The following RNF166 variants were observed in gnomAD, a reference collection of about 807,000 sequenced individuals.
The protein encoded by RNF166 is E3 ubiquitin-protein ligase RNF166.
In RNF166, 19 loss-of-function variants were observed where a neutral mutation model predicts 29.4. The ratio of observed to expected loss-of-function variants is 0.65; its 90% CI spans 0.45 to 0.95. The LOEUF (loss-of-function observed/expected upper bound fraction) is 0.95. Ranked by LOEUF, RNF166 falls within the 40% of genes least tolerant of loss-of-function variation. The pLI is 0.00. For synonymous variants in RNF166, 171 were observed against 134.5 expected (o/e 1.27, Z -1.88); for missense variants, 347 against 322.1 (o/e 1.08, Z -0.59).
intron 5 of RNF166, 53 bp downstream of exon 5, chr16:88,698,449 A>G (rs1279383591): frequency 7.2e-7 from 1 of 1,379,584 alleles, no homozygotes; most frequent in South Asian, 1.2e-5. Flanking sequence ...CCCGAGCAGG[A>G]GGAGGGTGGA....
At chr16:88,703,493 C>A (rs765094331) in intron 1 of RNF166, 413 of 985,330 alleles carry the variant, frequency 4.2e-4, no homozygotes, top group Non-Finnish European at 4.8e-4. Context: ...GAACCCAGCC[C>A]GACTGGCAGG....
chr16:88,704,271 G>A (rs1017819108), intron 1 of RNF166: 5 of 985,352 alleles, frequency 5.1e-6, no homozygotes, highest in Non-Finnish European at 6.0e-6. Context: ...GTTAGAAGCA[G>A]AGAGAGAACA....
chr16:88,701,081 G>C, intron 2 of RNF166, 181 bp downstream of exon 2: 1 of 1,301,374 alleles, frequency 7.7e-7, no homozygotes, highest in Non-Finnish European at 1.0e-6. Context: ...ACCACAGGAA[G>C]TGAGAGATGA....
intron 1 of RNF166, chr16:88,704,465 G>A: frequency 1.0e-6 from 1 of 985,340 alleles, no homozygotes; most frequent in Non-Finnish European, 1.2e-6. Context: ...TCTGCATTCT[G>A]TGTTATGGAA....
intron 1 of RNF166, chr16:88,703,629 C>T: frequency 2.0e-6 from 2 of 985,444 alleles, no homozygotes; most frequent in South Asian, 4.7e-5. Context: ...GTGCCCGCTT[C>T]CCCCACAGGA....
chr16:88,700,778 C>A, intron 2 of RNF166: 1 of 1,010,838 alleles, frequency 9.9e-7, no homozygotes, highest in Non-Finnish European at 1.2e-6. Context: ...AGCTGCAGGC[C>A]CTTACGCTGC....
rs536354952 is a variant in RNF166 at position 88,701,563 on chromosome 16, T to G, written c.156-145A>C. The G allele has an allele frequency of 2.0e-4, 152 of 772,392 alleles. 1 individual carries two copies. In the African/African-American group the frequency reaches 2.3e-3, roughly 12 times the overall value. The allele number at this position is 772,392 out of a possible 1,614,324, so 47.8% of individuals were successfully genotyped here. Reference sequence around the variant, plus strand: ...CCGCTGTCGCCGTCTCTGGAGATGGTCACTCCTATGTCCGGGGCCCACCAG... The same window carrying G: ...CCGCTGTCGCCGTCTCTGGAGATGGGCACTCCTATGTCCGGGGCCCACCAG... On this transcript the variant is annotated intron_variant, in intron 1 of 5. Coordinates refer to ENST00000312838, the MANE Select transcript of RNF166 (RefSeq NM_178841.4).
At chr16:88,703,865 G>A (rs1567640386) in intron 1 of RNF166, 1 of 985,348 alleles carries the variant, frequency 1.0e-6, no homozygotes, top group African/African-American at 1.7e-5. Context: ...TGCCTGGCTG[G>A]CAGGCCAGCA....
At chr16:88,699,770 A>G (rs1223640595) in intron 2 of RNF166, 38 bp from the exon 3 acceptor site, 1 of 1,529,990 alleles carries the variant, frequency 6.5e-7, no homozygotes, top group African/African-American at 1.4e-5. Flanking sequence ...CGGTCCTGAG[A>G]ATCTGGAAGG....
intron 2 of RNF166, 84 bp downstream of exon 2, chr16:88,701,178 C>T (rs1031835073): frequency 2.4e-5 from 37 of 1,532,724 alleles, no homozygotes; most frequent in East Asian, 4.5e-5. Flanking sequence ...GAGAGGGCCC[C>T]GGCCCCCACC....
intron 1 of RNF166, among the ~76,000 whole-genome samples, chr16:88,702,153 C>CCCTCCTGCTGCTATCTACCACCG (rs151144464): frequency 6.6e-6 from 1 of 151,954 alleles, no homozygotes; most frequent in Non-Finnish European, 1.5e-5. Context: ...GGCTCGCACA[C>CCCTCCTGCTGCTATCTACCACCG]CCTCCCGCTC....
intron 1 of RNF166, among the ~76,000 whole-genome samples, chr16:88,705,491 A>G (rs1910694119): frequency 6.6e-6 from 1 of 152,206 alleles, no homozygotes; most frequent in Admixed American, 6.5e-5. Context: ...GCTCCCCGCC[A>G]GGAGAGCCAC....
chr16:88,698,888 GC>G (rs1567635148), intron 4 of RNF166, 82 bp downstream of exon 4: 2 of 1,140,566 alleles, frequency 1.8e-6, no homozygotes, highest in Non-Finnish European at 2.6e-6. Flanking sequence ...CCCCGGACTC[GC>G]CGCGAGCAGG....
intron 1 of RNF166, chr16:88,703,446 C>T (rs905221180): frequency 5.1e-6 from 5 of 985,306 alleles, no homozygotes; most frequent in Non-Finnish European, 6.0e-6. Context: ...AAGACAGCCT[C>T]GTCCTCCCCG....
In RNF166 at chr16:88,697,393, C is replaced by G. The variant is rs962504449; in HGVS notation, c.*175G>C. 3 of 536,148 alleles carry G rather than the reference C, an allele frequency of 5.6e-6. No homozygotes were observed. Among genetic ancestry groups the G allele is most frequent in the Non-Finnish European group, 1.0e-5 (3 of 298,138 alleles). 33.2% of individuals were successfully genotyped at this position (536,148 alleles called of 1,614,324 possible). ...CCAGGCGGCCCTGCTCTGGCGGCCT[C>G]GGCGGCTGGCCCGTATTCAGGCCCG... On this transcript the variant is annotated 3_prime_UTR_variant, in exon 6 of 6. Coordinates refer to ENST00000312838, the MANE Select transcript of RNF166 (RefSeq NM_178841.4).
At chr16:88,697,801 T>C (rs1909780400) in intron 5 of RNF166, 168 bp from the exon 6 acceptor site, 1 of 591,504 alleles carries the variant, frequency 1.7e-6, no homozygotes, top group South Asian at 2.0e-5. Context: ...CACGGTCCTC[T>C]GGGGGGTGAG....
Position 88,699,702 on chromosome 16 carries a change from AAAT to A in RNF166, c.340_342del (p.Ile114del). 6.2e-7 allele frequency: 1 copy of A among 1,613,210 alleles called. No individual in the cohort carries two copies. Among genetic ancestry groups the A allele is most frequent in the Non-Finnish European group, 8.5e-7 (1 of 1,179,776 alleles). ...TGCTCCTGGACCTTCAGGCAGGACG[AAAT>A]GTGCACTCTCATCTTTGCCAGGGTC... On this transcript the variant is annotated inframe_deletion, in exon 3 of 6. Transcript: ENST00000312838.
intron 1 of RNF166, chr16:88,703,487 C>A: frequency 1.0e-6 from 1 of 985,458 alleles, no homozygotes. Context: ...AAGAGGGAAC[C>A]CAGCCCGACT....
Position 88,698,954 on chromosome 16 carries a change from G to A in RNF166, c.540+17C>T, listed in dbSNP as rs372521601. On this transcript the variant is annotated intron_variant, in intron 4 of 5. Coordinates refer to ENST00000312838, the MANE Select transcript of RNF166 (RefSeq NM_178841.4). ...CCTCCCCTGGCGCAGGCGTCGCTTGGGGCAGGCACTGCTCACCACGCGGTT... is the reference window on the plus strand; with the variant it reads ...CCTCCCCTGGCGCAGGCGTCGCTTGAGGCAGGCACTGCTCACCACGCGGTT... 3.9e-6 allele frequency: 6 copies of A among 1,552,256 alleles called. No homozygotes were observed. The highest frequency in any genetic ancestry group is 4.4e-6 in the Non-Finnish European group (5 of 1,140,008).
Sources: allele counts gnomAD v4.1 joint callset (sites outside exome capture counted in the v4.1 genomes callset), GRCh38; gene constraint gnomAD v4.1.1; transcripts MANE v1.5; gene names NCBI Gene and HGNC (gene_info 2026-07-23, HGNC 2026-07-21).